SMCO2: variants seen among roughly 807,000 people sequenced by gnomAD.
SMCO2 encodes single-pass membrane protein with coiled-coil domains 2, also known as single-pass membrane and coiled-coil domain-containing protein 2.
Under a neutral mutation model 29.5 loss-of-function variants are expected in SMCO2, and 25 were observed. That is an observed-to-expected ratio of 0.85 (90% CI 0.62 to 1.18). The LOEUF (loss-of-function observed/expected upper bound fraction) is 1.18. SMCO2 is among the 50% of genes most tolerant of loss of function. The pLI is 0.00. For missense variants in SMCO2, 348 were observed against 344.5 expected, an observed-to-expected ratio of 1.01 and a Z score of -0.08; for synonymous variants, 117 against 123.3, an observed-to-expected ratio of 0.95 and a Z score of 0.34.
At chr12:27,468,449 G>A (rs1188355276) in intron 1 of SMCO2, among the ~76,000 whole-genome samples, 1 of 152,226 alleles carries the variant, frequency 6.6e-6, no homozygotes, top group Admixed American at 6.5e-5. Context: ...TCTAGAAACA[G>A]GTGGCAGGCT....
chr12:27,472,955 A>C, intron 3 of SMCO2, 80 bp downstream of exon 3: 1,427 of 947,666 alleles, frequency 1.5e-3, no homozygotes, highest in Non-Finnish European at 2.0e-3. Context: ...CGCATATCTT[A>C]AAGTGGTAAG....
intron 7 of SMCO2, among the ~76,000 whole-genome samples, chr12:27,500,788 G>A (rs1943065773): frequency 6.6e-6 from 1 of 150,588 alleles, no homozygotes; most frequent in Non-Finnish European, 1.5e-5. Flanking sequence ...TGTGTGAAGT[G>A]AAAGCAATTA....
chr12:27,482,159 T>A (rs1054568975), intron 4 of SMCO2, among the ~76,000 whole-genome samples: 4 of 152,232 alleles, frequency 2.6e-5, no homozygotes, highest in African/African-American at 9.6e-5. Context: ...TGCACTTCCC[T>A]GTAAGCACTG....
chr12:27,463,008 C>T (rs1474410641), upstream of SMCO2, among the ~76,000 whole-genome samples: 1 of 152,184 alleles, frequency 6.6e-6, no homozygotes, highest in Admixed American at 6.5e-5. Context: ...GCTGGGACTA[C>T]ACCATCCCTC....
chr12:27,491,094 G>A (rs403434), intron 5 of SMCO2, among the ~76,000 whole-genome samples: 18,681 of 152,118 alleles, frequency 0.12, 2,216 homozygotes, highest in African/African-American at 0.29. Flanking sequence ...CAAATAAAAT[G>A]TGGGAAAATT....
At position 27,496,026 on chromosome 12, in the gene SMCO2, TC is replaced by T. The variant is rs2135578462; in HGVS notation, c.683+172del. ...GAGTTCATTGGAGTCATGGGATTTT[TC>T]TTATTTAGATAAAGATCTATTGCAT... On this transcript the variant is annotated intron_variant, in intron 7 of 7. Transcript: ENST00000298876. Among the ~76,000 whole-genome samples, 2 of 150,704 alleles carry T rather than the reference TC, an allele frequency of 1.3e-5. 1 individual carries two copies. Among genetic ancestry groups the T allele is most frequent in the South Asian group, 4.2e-4 (2 of 4,766 alleles).
upstream of SMCO2, among the ~76,000 whole-genome samples, chr12:27,464,503 G>T (rs1001738412): frequency 6.6e-6 from 1 of 151,972 alleles, no homozygotes; most frequent in African/African-American, 2.4e-5. Context: ...GAGCCTAGGA[G>T]TTCGAGACCA....
intron 6 of SMCO2, among the ~76,000 whole-genome samples, chr12:27,495,117 G>A (rs924481432): frequency 1.3e-5 from 2 of 152,100 alleles, no homozygotes; most frequent in African/African-American, 4.8e-5. Flanking sequence ...GTATCAACCT[G>A]TCAGCTGCTC....
At chr12:27,439,853 A>T in the SMCO2 span, among the ~76,000 whole-genome samples, 8 of 152,190 alleles carry the variant, frequency 5.3e-5, no homozygotes, top group Admixed American at 5.2e-4. Context: ...TATAGAAAAA[A>T]ACTTCAAAAG....
chr12:27,445,963 G>A, the SMCO2 span, among the ~76,000 whole-genome samples: 1 of 151,602 alleles, frequency 6.6e-6, no homozygotes, highest in African/African-American at 2.4e-5. Flanking sequence ...GAGTGCAATG[G>A]CGTGATCTCA....
the SMCO2 span, chr12:27,446,681 T>C: frequency 6.6e-6 from 1 of 152,104 alleles, no homozygotes; most frequent in East Asian, 1.9e-4. Context: ...ATCATCTCTC[T>C]GCTTCTGATT....
At chr12:27,476,827 G>A (rs1427596420) in intron 4 of SMCO2, among the ~76,000 whole-genome samples, 4 of 151,850 alleles carry the variant, frequency 2.6e-5, no homozygotes, top group African/African-American at 7.3e-5. Flanking sequence ...TTTTAAATGG[G>A]TAATGTAATC....
intron 7 of SMCO2, 139 bp downstream of exon 8, chr12:27,495,994 G>T: frequency 1.1e-6 from 1 of 913,802 alleles, no homozygotes; most frequent in Non-Finnish European, 1.5e-6. Flanking sequence ...TTCTTTAAAA[G>T]TCATTGGAGT....
chr12:27,466,413 AAAAAT>A (rs1012782938), upstream of SMCO2, among the ~76,000 whole-genome samples: 1 of 152,220 alleles, frequency 6.6e-6, no homozygotes, highest in African/African-American at 2.4e-5. Context: ...GTCTGACTCA[AAAAAT>A]AAAATAAAAT....
chr12:27,480,504 A>G (rs151315763), intron 4 of SMCO2, among the ~76,000 whole-genome samples: 3 of 152,222 alleles, frequency 2.0e-5, no homozygotes, highest in Non-Finnish European at 4.4e-5. Flanking sequence ...CTTGGCACTC[A>G]TATGGTTTGG....
the SMCO2 span, among the ~76,000 whole-genome samples, chr12:27,430,480 G>A: frequency 5.1e-4 from 77 of 152,226 alleles, no homozygotes; most frequent in African/African-American, 1.6e-3. Context: ...AATGAGGCAG[G>A]AGAATTGCTC....
chr12:27,475,809 T>C (rs6487610), intron 4 of SMCO2, 78 bp downstream of exon 5: 819,613 of 1,319,628 alleles, frequency 0.62, 258,292 homozygotes, highest in Middle Eastern at 0.67. Flanking sequence ...ACTTTGGGCT[T>C]AAGATGATAA....
At chr12:27,459,300 T>C in the SMCO2 span, among the ~76,000 whole-genome samples, 2 of 152,080 alleles carry the variant, frequency 1.3e-5, no homozygotes, top group South Asian at 2.1e-4. Flanking sequence ...AGATCATTCA[T>C]TTGCAGCAAC....
intron 7 of SMCO2, among the ~76,000 whole-genome samples, chr12:27,496,783 C>T (rs1182147603): frequency 1.3e-5 from 2 of 150,708 alleles, no homozygotes; most frequent in Admixed American, 1.3e-4. Flanking sequence ...ATGTGCACAC[C>T]TTGCACATAA....
Sources: gnomAD v4.1 joint callset for allele counts (sites outside exome capture counted in the v4.1 genomes callset) on GRCh38, gnomAD v4.1.1 for gene constraint, MANE v1.5 for transcripts, NCBI Gene and HGNC (gene_info 2026-07-23, HGNC 2026-07-21) for gene names.